SOX5: variants seen among roughly 807,000 people sequenced by gnomAD.
SOX5 encodes SRY-box transcription factor 5.
A neutral mutation model predicts 92.0 loss-of-function variants in SOX5; 9 were observed. The ratio of observed to expected loss-of-function variants is 0.10; its 90% confidence interval spans 0.06 to 0.17. SOX5 has a LOEUF of 0.17. SOX5 is among the 10% of genes least tolerant of loss of function. The pLI, the probability that SOX5 is intolerant of heterozygous loss-of-function variation, is 1.00. For missense variants in SOX5, 642 were observed against 944.5 expected, an observed-to-expected ratio of 0.68 and a Z score of 4.20; for synonymous variants, 344 against 336.3, an observed-to-expected ratio of 1.02 and a Z score of -0.25.
At chr12:23,748,559 A>C (rs758999840) in intron 4 of SOX5, among the ~76,000 whole-genome samples, 49 of 152,020 alleles carry the variant, frequency 3.2e-4, no homozygotes, top group Admixed American at 3.9e-4. Flanking sequence ...ATAAAGAAAA[A>C]GTACAAGTAA....
Position 23,940,745 on chromosome 12 carries a change from TACACACACACACAC to T in SOX5, c.38+8805_38+8818del, listed in dbSNP as rs36124621. The stretch of plus-strand genomic sequence containing the variant: ...TTTTATTTACAGAGGAGATAAGTAT[TACACACACACACAC>T]ACACACACACACACACACACACACA... On this transcript the variant is annotated intron_variant, in intron 1 of 14. Transcript: ENST00000451604. 6.4e-5 allele frequency among the ~76,000 whole-genome samples: 9 copies of T among 139,764 alleles called. No homozygotes were observed. The South Asian group carries it at 6.9e-4, about 11-fold the overall frequency. 91.7% of individuals were successfully genotyped at this position (139,764 alleles called of 152,430 possible).
intron 1 of SOX5, among the ~76,000 whole-genome samples, chr12:24,551,931 A>G (rs1953222536): frequency 6.6e-6 from 1 of 152,190 alleles, no homozygotes; most frequent in South Asian, 2.1e-4. Flanking sequence ...TTAGGCACCC[A>G]CTATGTCCCA....
At chr12:23,914,262 G>C (rs2097386629) in intron 1 of SOX5, among the ~76,000 whole-genome samples, 1 of 151,848 alleles carries the variant, frequency 6.6e-6, no homozygotes, top group South Asian at 2.1e-4. Context: ...CATAGTAGTT[G>C]TTTTACAAAT....
intron 1 of SOX5, among the ~76,000 whole-genome samples, chr12:24,433,812 G>A (rs1274932540): frequency 6.6e-6 from 1 of 152,150 alleles, no homozygotes; most frequent in Non-Finnish European, 1.5e-5. Context: ...CGACAGGGAG[G>A]ATTAGAACTC....
rs530594761 is a variant in SOX5, at chr12:23,665,670, A to G, written c.811-106T>C. On this transcript the variant is annotated intron_variant, in intron 6 of 14. Coordinates refer to ENST00000451604, the MANE Select transcript of SOX5 (RefSeq NM_006940.6). ...AAAGAAAATCATTTATTCAATTCAA[A>G]AGACTGGCATAGAAGCTTGCTGGGA... 1.6e-4 allele frequency: 211 copies of G among 1,322,796 alleles called. 5 individuals carry two copies. The South Asian group carries it at 2.9e-3, about 18-fold the overall frequency. The allele number at this position is 1,322,796 out of a possible 1,614,324, so 81.9% of individuals were successfully genotyped here.
intron 3 of SOX5, among the ~76,000 whole-genome samples, chr12:24,216,909 C>T (rs566237555): frequency 1.3e-5 from 2 of 152,300 alleles, no homozygotes; most frequent in Admixed American, 1.3e-4. Flanking sequence ...GCCTGAGCAA[C>T]AGAGCAAGAC....
intron 1 of SOX5, among the ~76,000 whole-genome samples, chr12:24,372,583 C>A (rs1956849625): frequency 6.6e-6 from 1 of 152,140 alleles, no homozygotes. Flanking sequence ...AACAGTGCCA[C>A]AATAAAGATA....
chr12:24,422,541 T>C (rs751072896), intron 1 of SOX5, among the ~76,000 whole-genome samples: 4 of 152,174 alleles, frequency 2.6e-5, no homozygotes, highest in African/African-American at 9.7e-5. Context: ...ACAAACCTTG[T>C]AGATGAAATT....
chr12:24,207,864 T>C lies in SOX5; in HGVS notation c.-2+5479A>G, dbSNP rs139640554. The stretch of plus-strand genomic sequence containing the variant: ...CTGCATCGTCAACTCTCGTGCCATG[T>C]TCCAGAATCTCCAATGTGGAATACT... On this transcript the variant is annotated intron_variant, in intron 4 of 4. Transcript: ENST00000446891. 2.1e-3 allele frequency among the ~76,000 whole-genome samples: 324 copies of C among 152,312 alleles called. 4 individuals are homozygous for C. The highest frequency in any genetic ancestry group is 0.021 in the South Asian group (100 of 4,828).
At chr12:24,467,303 T>A (rs979938743) in intron 1 of SOX5, among the ~76,000 whole-genome samples, 10 of 152,184 alleles carry the variant, frequency 6.6e-5, no homozygotes, top group African/African-American at 2.4e-5. Context: ...AGCCCAATAT[T>A]TGAGCAGTTC....
intron 1 of SOX5, among the ~76,000 whole-genome samples, chr12:23,899,409 G>GAAAAAAAAAAAA: frequency 8.3e-6 from 1 of 120,036 alleles, no homozygotes. Flanking sequence ...TGAAAAAAAA[G>GAAAAAAAAAAAA]AAAAAAAAAA....
At chr12:24,446,091 T>C (rs1255651422) in intron 1 of SOX5, among the ~76,000 whole-genome samples, 2 of 152,210 alleles carry the variant, frequency 1.3e-5, no homozygotes, top group Non-Finnish European at 2.9e-5. Context: ...CAATCTCCTA[T>C]GTGCTAGTAA....
At chr12:24,314,717 C>T (rs1324820295) in intron 2 of SOX5, among the ~76,000 whole-genome samples, 1 of 152,188 alleles carries the variant, frequency 6.6e-6, no homozygotes, top group Non-Finnish European at 1.5e-5. Context: ...TTCACTCCTT[C>T]ATGCATTCTG....
chr12:24,150,019 A>T (rs1327787583), intron 4 of SOX5, among the ~76,000 whole-genome samples: 1 of 152,196 alleles, frequency 6.6e-6, no homozygotes. Flanking sequence ...TAGGGACATG[A>T]GAAAACTTTT....
chr12:23,791,144 C>T (rs1056555592), intron 3 of SOX5, among the ~76,000 whole-genome samples: 1 of 152,138 alleles, frequency 6.6e-6, no homozygotes, highest in Non-Finnish European at 1.5e-5. Flanking sequence ...ATGGTTATTA[C>T]CACAGGTGTA....
intron 3 of SOX5, among the ~76,000 whole-genome samples, chr12:24,249,944 G>A (rs978385810): frequency 9.2e-5 from 14 of 152,026 alleles, no homozygotes; most frequent in Admixed American, 8.5e-4. Flanking sequence ...ATAGTATCAC[G>A]ATATTTAAAC....
intron 3 of SOX5, among the ~76,000 whole-genome samples, chr12:23,835,482 T>C (rs1327088987): frequency 6.6e-6 from 1 of 151,796 alleles, no homozygotes; most frequent in Non-Finnish European, 1.5e-5. Context: ...TATTCCACAA[T>C]TATTTCGCCC....
intron 6 of SOX5, among the ~76,000 whole-genome samples, chr12:23,703,045 T>TA (rs1173345319): frequency 2.0e-5 from 3 of 152,042 alleles, no homozygotes; most frequent in East Asian, 1.9e-4. Context: ...ATGACTTTAG[T>TA]AAAAAAAGGT....
chr12:24,551,719 T>A (rs985782784), intron 1 of SOX5, among the ~76,000 whole-genome samples: 1 of 152,192 alleles, frequency 6.6e-6, no homozygotes, highest in Non-Finnish European at 1.5e-5. Context: ...GTTTATTTGT[T>A]TGTATAAAAG....
Sources: gnomAD v4.1 joint callset for allele counts (sites outside exome capture counted in the v4.1 genomes callset) on GRCh38, gnomAD v4.1.1 for gene constraint, MANE v1.5 for transcripts, NCBI Gene and HGNC (gene_info 2026-07-23, HGNC 2026-07-21) for gene names.